FOXK1: variants seen among roughly 807,000 people sequenced by gnomAD.
FOXK1 encodes forkhead box protein K1.
FOXK1 carries 19 observed loss-of-function variants against 51.9 expected under a neutral mutation model. That is an observed-to-expected ratio of 0.37 (90% CI 0.26 to 0.54). FOXK1 has a LOEUF of 0.54. Among genes scored for constraint, FOXK1 ranks in the 20% least tolerant of loss-of-function variants. The pLI, the probability that FOXK1 is intolerant of heterozygous loss-of-function variation, is 0.87. For synonymous variants in FOXK1, 537 were observed against 482.6 expected, an observed-to-expected ratio of 1.11 and a Z score of -1.48; for missense variants, 870 against 1,032.7, an observed-to-expected ratio of 0.84 and a Z score of 2.16.
intron 1 of FOXK1, among the ~76,000 whole-genome samples, chr7:4,727,739 C>A (rs1780399053): frequency 6.6e-6 from 1 of 152,256 alleles, no homozygotes; most frequent in Non-Finnish European, 1.5e-5. Context: ...CTCGATGTCA[C>A]ATCAGAGTGC....
chr7:4,714,860 C>T (rs993000911), intron 1 of FOXK1, among the ~76,000 whole-genome samples: 15 of 152,296 alleles, frequency 9.8e-5, no homozygotes, highest in African/African-American at 3.6e-4. Flanking sequence ...GATGTTTTGT[C>T]CACCTGAGTC....
intron 1 of FOXK1, among the ~76,000 whole-genome samples, chr7:4,708,306 G>A (rs146750029): frequency 3.3e-5 from 5 of 152,270 alleles, no homozygotes; most frequent in South Asian, 2.1e-4. Context: ...CCTAGTTGCC[G>A]CAGTGACCCC....
At position 4,733,731 on chromosome 7, in the gene FOXK1, C is replaced by T. The variant is rs924938788; in HGVS notation, c.561-7107C>T. Among the ~76,000 whole-genome samples the T allele has an allele frequency of 3.3e-5, 5 of 152,232 alleles. No individual in the cohort carries two copies. Among genetic ancestry groups the T allele is most frequent in the Non-Finnish European group, 5.9e-5 (4 of 68,042 alleles). On this transcript the variant is annotated intron_variant, in intron 1 of 8. Transcript: ENST00000328914. This position sits in a 1 kb window ranked among gnomAD's most constrained non-coding sequence, Gnocchi z 5.0. ...TCCTGCAGGTATCGCTCGTGAAAAC[C>T]GGCCTGGCGTCTTCTGGCCCTTGCT... is the stretch of plus-strand genomic sequence containing the variant.
In FOXK1 at chr7:4,706,032, ACG is replaced by A. The variant is rs1169499598; in HGVS notation, c.560+23165_560+23166del. Reference sequence around the variant, plus strand: ...TATATACGTATATATACGTGTATATACGTGTATATACGTGTATATATGTATAT... The same window carrying A: ...TATATACGTATATATACGTGTATATATGTATATACGTGTATATATGTATAT... On this transcript the variant is annotated intron_variant, in intron 1 of 8. Transcript: ENST00000328914. 3.2e-3 allele frequency among the ~76,000 whole-genome samples: 322 copies of A among 102,160 alleles called. 29 individuals carry two copies. Among genetic ancestry groups the A allele is most frequent in the African/African-American group, 0.024 (307 of 12,624 alleles). 67.0% of individuals were successfully genotyped at this position (102,160 alleles called of 152,430 possible).
rs971842337 is a variant in FOXK1 at position 4,711,115 on chromosome 7, A to G, written c.560+28247A>G. Among the ~76,000 whole-genome samples the G allele has an allele frequency of 1.3e-5, 2 of 151,844 alleles. No homozygotes were observed. Among genetic ancestry groups the G allele is most frequent in the African/African-American group, 4.9e-5 (2 of 41,170 alleles). On this transcript the variant is annotated intron_variant, in intron 1 of 8. Transcript: ENST00000328914. This position sits in a 1 kb window ranked among gnomAD's most constrained non-coding sequence, Gnocchi z 6.3. Reference sequence around the variant, plus strand: ...CTGTGCAGGGCCAAGCTGGGCCTGGATCCTACTTAGTCTCTCTGACTTCTT... The same window carrying G: ...CTGTGCAGGGCCAAGCTGGGCCTGGGTCCTACTTAGTCTCTCTGACTTCTT...
chr7:4,712,799 A>G (rs1199421300), intron 1 of FOXK1, among the ~76,000 whole-genome samples: 1 of 152,200 alleles, frequency 6.6e-6, no homozygotes, highest in East Asian at 1.9e-4. Context: ...ATACTGCTCA[A>G]ACAGCCAGGG....
intron 5 of FOXK1, among the ~76,000 whole-genome samples, chr7:4,757,567 T>G (rs1448328838): frequency 7.2e-6 from 1 of 138,704 alleles, no homozygotes; most frequent in Non-Finnish European, 1.5e-5. Flanking sequence ...GAGGCAGAAG[T>G]TGCAGTGAGC....
chr7:4,759,455 C>T lies in FOXK1; in HGVS notation c.1556C>T (p.Ala519Val). The T allele has an allele frequency of 5.7e-6, 9 of 1,591,484 alleles. No homozygotes were observed. The highest frequency in any genetic ancestry group is 2.3e-5 in the South Asian group (2 of 88,714). Residue 519 changes from alanine (A) to valine (V), a missense_variant, in exon 7 of 9, where the codon GCC becomes GTC. Physicochemically the swap from Ala to Val is moderately conservative, Grantham distance 64. Coordinates refer to ENST00000328914, the MANE Select transcript of FOXK1 (RefSeq NM_001037165.2). ...CACGCCATCCACGTCGTGCAGCAGG[C>T]CCCCACCGTCACCATGGTCAGGGTG... The part of the protein sequence containing the change: ...AGHAIHVVQQ[A>V]PTVTMVRVVT...
At chr7:4,705,719 A>T (rs1305925419) in intron 1 of FOXK1, among the ~76,000 whole-genome samples, 7 of 150,830 alleles carry the variant, frequency 4.6e-5, no homozygotes, top group African/African-American at 1.7e-4. Context: ...TTGTATTTTT[A>T]GTAGAGAGGG....
chr7:4,737,993 A>G (rs557054762), intron 1 of FOXK1, among the ~76,000 whole-genome samples: 126 of 151,776 alleles, frequency 8.3e-4, no homozygotes, highest in Middle Eastern at 3.4e-3. Context: ...GTGGTGGCGC[A>G]TGCCTGTAGT....
intron 2 of FOXK1, among the ~76,000 whole-genome samples, chr7:4,744,444 C>G (rs962364318): frequency 1.3e-5 from 2 of 152,180 alleles, no homozygotes; most frequent in Non-Finnish European, 2.9e-5. Flanking sequence ...CTCATTGTTT[C>G]GATCTTCCTG....
chr7:4,695,277 C>T (rs546799010), intron 1 of FOXK1, among the ~76,000 whole-genome samples: 3 of 152,352 alleles, frequency 2.0e-5, no homozygotes, highest in African/African-American at 7.2e-5. Flanking sequence ...ACTTGCAGCC[C>T]TAATTTGGTT....
In FOXK1 at chr7:4,755,304, G is replaced by A. The variant is rs1394582611; in HGVS notation, c.971G>A (p.Arg324Gln). 5.0e-6 allele frequency: 8 copies of A among 1,613,892 alleles called. No homozygotes were observed. The highest frequency in any genetic ancestry group is 5.9e-6 in the Non-Finnish European group (7 of 1,180,036). Residue 324 changes from arginine to glutamine, a missense_variant, in exon 4 of 9, where the codon CGG becomes CAG. Around this residue, in one of 3 missense-constraint regions of FOXK1, gnomAD observed 399 missense variants for 475.6 expected, o/e 0.84. Coordinates refer to ENST00000328914, the MANE Select transcript of FOXK1 (RefSeq NM_001037165.2). The surrounding 1 kb of genome is among the most constrained non-coding windows in gnomAD (Gnocchi z 6.6). ...IVQAISSAQD[R>Q]QLTLSGIYAH... ...CAGGCCATCTCCTCCGCCCAGGACC[G>A]GCAGCTGACCCTGAGCGGGATCTAC...
intron 2 of FOXK1, among the ~76,000 whole-genome samples, chr7:4,741,297 G>GT (rs1262038679): frequency 1.3e-5 from 2 of 150,338 alleles, no homozygotes; most frequent in Admixed American, 6.6e-5. Context: ...GTTGTTTTTT[G>GT]TTTTTTTTTA....
chr7:4,706,870 C>T (rs1278594992), intron 1 of FOXK1, among the ~76,000 whole-genome samples: 2 of 152,206 alleles, frequency 1.3e-5, no homozygotes, highest in African/African-American at 2.4e-5. Context: ...TAGCCTGGAA[C>T]TGCTGGGTCG....
At position 4,729,209 on chromosome 7, in the gene FOXK1, G is replaced by A. The variant is rs569627517; in HGVS notation, c.561-11629G>A. Among the ~76,000 whole-genome samples the A allele has an allele frequency of 1.1e-4, 17 of 152,286 alleles. No individual in the cohort carries two copies. Among genetic ancestry groups the A allele is most frequent in the Middle Eastern group, 6.8e-3 (2 of 294 alleles). ...GAGGTGATTTCGGAGCCTACTCTCC[G>A]ATCCTCAGGATCCTCTTCGGGAGCA... On this transcript the variant is annotated intron_variant, in intron 1 of 8. Coordinates refer to ENST00000328914, the MANE Select transcript of FOXK1 (RefSeq NM_001037165.2). This position sits in a 1 kb window ranked among gnomAD's most constrained non-coding sequence, Gnocchi z 6.2.
chr7:4,687,380 C>A (rs1186809635), intron 1 of FOXK1, among the ~76,000 whole-genome samples: 1 of 152,028 alleles, frequency 6.6e-6, no homozygotes, highest in Non-Finnish European at 1.5e-5. Flanking sequence ...GAAACCTCCG[C>A]CTCCCAGGTT....
chr7:4,690,106 A>T (rs1213783286), intron 1 of FOXK1, among the ~76,000 whole-genome samples: 1 of 152,226 alleles, frequency 6.6e-6, no homozygotes. Flanking sequence ...GAAGCCACAG[A>T]GGAGACAAAG....
rs948872619 is a variant in FOXK1 at position 4,758,403 on chromosome 7, G to C, written c.1245-648G>C. On this transcript the variant is annotated intron_variant, in intron 5 of 8. Transcript: ENST00000328914. The surrounding 1 kb of genome is among the most constrained non-coding windows in gnomAD (Gnocchi z 4.4). ...AGATGAGCCCGTCCCAGGTGTCGAG[G>C]AGGAGATCTCCTGAGCGGCAGTCTC... is the stretch of plus-strand genomic sequence containing the variant. 1 of 152,370 alleles carries C rather than the reference G, an allele frequency of 6.6e-6. No homozygotes were observed. Among genetic ancestry groups the C allele is most frequent in the Non-Finnish European group, 1.5e-5 (1 of 68,138 alleles). 9.4% of individuals were successfully genotyped at this position (152,370 alleles called of 1,614,324 possible).
Sources: allele counts gnomAD v4.1 joint callset (sites outside exome capture counted in the v4.1 genomes callset), GRCh38; gene constraint gnomAD v4.1.1; regional missense constraint gnomAD v4.1.1; non-coding constraint Gnocchi (gnomAD v3.1); transcripts MANE v1.5; gene names NCBI Gene and HGNC (gene_info 2026-07-23, HGNC 2026-07-21).